Variants in CERKL observed in about 807,000 individuals in gnomAD.
CERKL encodes the protein ceramide kinase-like protein.
CERKL carries 61 observed loss-of-function variants against 63.4 expected under a neutral mutation model. The ratio of observed to expected loss-of-function variants is 0.96; its 90% CI spans 0.78 to 1.19. CERKL has a LOEUF of 1.19. Ranked by LOEUF, CERKL falls within the 50% of genes most tolerant of loss-of-function variation. CERKL has a pLI of 0.00. For synonymous variants in CERKL, 250 were observed against 230.5 expected, an observed-to-expected ratio of 1.08 and a Z score of -0.77; for missense variants, 675 against 655.5, an observed-to-expected ratio of 1.03 and a Z score of -0.33.
At chr2:181,557,140 G>A (rs1688247349) in intron 5 of CERKL, among the ~76,000 whole-genome samples, 1 of 152,010 alleles carries the variant, frequency 6.6e-6, no homozygotes, top group African/African-American at 2.4e-5. Flanking sequence ...CAGGATATTA[G>A]CCCTTTGTTA....
chr2:181,537,824 T>TTAGTAACATCAATTTC lies in CERKL; in HGVS notation c.*344_*359dup, dbSNP rs1491429240. On this transcript the variant is annotated 3_prime_UTR_variant, in exon 13 of 13. Transcript: ENST00000410087. Reference sequence around the variant, plus strand: ...CTTTTAAAGCCCTAGAGGCTAATTGTTAGTAACATCAATTTCTATTAGGAT... The same window carrying TTAGTAACATCAATTTC: ...CTTTTAAAGCCCTAGAGGCTAATTGTTAGTAACATCAATTTCTAGTAACATCAATTTCTATTAGGAT... 1 of 479,724 alleles carries TTAGTAACATCAATTTC rather than the reference T, an allele frequency of 2.1e-6. No individual in the cohort carries two copies. Among genetic ancestry groups the TTAGTAACATCAATTTC allele is most frequent in the Admixed American group, 2.3e-5 (1 of 43,394 alleles). The allele number at this position is 479,724 out of a possible 1,614,324, so 29.7% of individuals were successfully genotyped here. A position where few individuals can be genotyped will look rare whatever the true frequency, so the allele number is the denominator to read the frequency against.
intron 2 of CERKL, among the ~76,000 whole-genome samples, chr2:181,579,199 G>A (rs568770333): frequency 1.6e-4 from 24 of 151,944 alleles, no homozygotes; most frequent in Middle Eastern, 3.4e-3. Flanking sequence ...AAAAGCACCT[G>A]GCACAAAGTA....
chr2:181,620,418 C>A (rs1345741224), intron 1 of CERKL, among the ~76,000 whole-genome samples: 2 of 152,144 alleles, frequency 1.3e-5, no homozygotes, highest in Non-Finnish European at 2.9e-5. Flanking sequence ...AAGGGTTCTG[C>A]TACTTAGAAA....
chr2:181,598,486 G>A (rs1214185887), intron 2 of CERKL, among the ~76,000 whole-genome samples: 6 of 151,660 alleles, frequency 4.0e-5, no homozygotes, highest in African/African-American at 4.8e-5. Flanking sequence ...CAAAGGCCTC[G>A]GCACACACCA....
At chr2:181,580,731 T>A (rs1375487) in intron 2 of CERKL, among the ~76,000 whole-genome samples, 1 of 152,092 alleles carries the variant, frequency 6.6e-6, no homozygotes, top group Admixed American at 6.5e-5. Flanking sequence ...TGAACTTGCA[T>A]TGTCAGAATT....
chr2:181,581,491 T>C (rs1454802024), intron 2 of CERKL, among the ~76,000 whole-genome samples: 1 of 152,228 alleles, frequency 6.6e-6, no homozygotes. Flanking sequence ...AATCCTGTAG[T>C]TGACAGCCAA....
At chr2:181,635,075 A>G (rs1687115072) in intron 1 of CERKL, among the ~76,000 whole-genome samples, 1 of 152,198 alleles carries the variant, frequency 6.6e-6, no homozygotes, top group South Asian at 2.1e-4. Flanking sequence ...TTGAAAAGGC[A>G]CTTAGAATTT....
intron 3 of CERKL, among the ~76,000 whole-genome samples, chr2:181,572,033 AAGT>A (rs1366218828): frequency 6.6e-6 from 1 of 152,152 alleles, no homozygotes; most frequent in African/African-American, 2.4e-5. Flanking sequence ...AAACTGAGGA[AAGT>A]AGAGCAAAGT....
intron 1 of CERKL, among the ~76,000 whole-genome samples, chr2:181,638,122 G>A (rs60346765): frequency 6.6e-6 from 1 of 152,108 alleles, no homozygotes; most frequent in African/African-American, 2.4e-5. Flanking sequence ...GGAAGTATCA[G>A]CATAATCCTA....
Position 181,602,617 on chromosome 2 carries a change from A to G in CERKL, c.481+1220T>C, listed in dbSNP as rs752813763. Among the ~76,000 whole-genome samples the G allele has an allele frequency of 1.5e-4, 23 of 152,320 alleles. No individual in the cohort carries two copies. The Middle Eastern group carries it at 0.01, about 68-fold the overall frequency. ...TAAGAGGGTCTTCCAATTTTAATGT[A>G]ATGTCACTTCAGCTCATCTCGCATG... On this transcript the variant is annotated intron_variant, in intron 2 of 12. Transcript: ENST00000410087.
At chr2:181,591,931 G>A (rs1685005374) in intron 2 of CERKL, among the ~76,000 whole-genome samples, 1 of 152,098 alleles carries the variant, frequency 6.6e-6, no homozygotes, top group South Asian at 2.1e-4. Context: ...TCCTGGGCTG[G>A]GGCAAGGAAG....
In CERKL at chr2:181,565,477, C is replaced by T. The variant is rs1574454654; in HGVS notation, c.677+581G>A. ...TGCCAGTGAACAATCTCTGTACACT[C>T]CAATGTATTGCGAACAATGGTTTCC... On this transcript the variant is annotated intron_variant, in intron 4 of 12. Transcript: ENST00000410087. 2.5e-6 allele frequency: 4 copies of T among 1,612,126 alleles called. No homozygotes were observed. The highest frequency in any genetic ancestry group is 4.5e-5 in the East Asian group (2 of 44,806).
chr2:181,548,393 G>C (rs947473752), intron 8 of CERKL, 152 bp downstream of exon 8: 1 of 661,204 alleles, frequency 1.5e-6, no homozygotes, highest in African/African-American at 1.8e-5. Context: ...GTAGTTGTTT[G>C]CTTACTAGGA....
In CERKL at chr2:181,537,140, G is replaced by GTTATAAAAAGGCTAGTCATTCTTTC; in HGVS notation, c.*1019_*1043dup. On this transcript the variant is annotated 3_prime_UTR_variant, in exon 13 of 13. Transcript: ENST00000410087. ...ATGTATTTTTAAAAAACTTTGTATC[G>GTTATAAAAAGGCTAGTCATTCTTTC]TTATAAAAAGGCTAGTCATTCTTTC... 1 of 453,532 alleles carries GTTATAAAAAGGCTAGTCATTCTTTC rather than the reference G, an allele frequency of 2.2e-6. No homozygotes were observed. The highest frequency in any genetic ancestry group is 1.6e-5 in the South Asian group (1 of 64,422). 28.1% of individuals were successfully genotyped at this position (453,532 alleles called of 1,614,324 possible). A position where few individuals can be genotyped will look rare whatever the true frequency, so the allele number is the denominator to read the frequency against.
rs557961533 is a variant in CERKL at position 181,624,152 on chromosome 2, T to C, written c.239-20073A>G. Among the ~76,000 whole-genome samples the C allele has an allele frequency of 1.7e-4, 26 of 152,198 alleles. No homozygotes were observed. In the East Asian group the frequency reaches 4.1e-3, roughly 24 times the overall value. ...AGGGATCAGGCACAAGTAGCCCATGTAGGGTAATATAGACTACATTAAGGA... is the reference window on the plus strand; with the variant it reads ...AGGGATCAGGCACAAGTAGCCCATGCAGGGTAATATAGACTACATTAAGGA... On this transcript the variant is annotated intron_variant, in intron 1 of 12. Transcript: ENST00000410087.
rs1453536420 is a variant in CERKL, at chr2:181,537,393, G to T, written c.*791C>A. 1 of 452,024 alleles carries T rather than the reference G, an allele frequency of 2.2e-6. No homozygotes were observed. Among genetic ancestry groups the T allele is most frequent in the Non-Finnish European group, 4.4e-6 (1 of 225,490 alleles). The allele number at this position is 452,024 out of a possible 1,614,324, so 28.0% of individuals were successfully genotyped here. Reference sequence around the variant, plus strand: ...ACAATTACATATTGGGCTAGATTTTGCCCAGTTCAAAATAGTATTTGTTAT... The same window carrying T: ...ACAATTACATATTGGGCTAGATTTTTCCCAGTTCAAAATAGTATTTGTTAT... On this transcript the variant is annotated 3_prime_UTR_variant, in exon 13 of 13. Transcript: ENST00000410087.
intron 1 of CERKL, among the ~76,000 whole-genome samples, chr2:181,635,201 T>C (rs996269670): frequency 6.6e-6 from 1 of 152,168 alleles, no homozygotes; most frequent in Non-Finnish European, 1.5e-5. Context: ...CCATGAGATA[T>C]TTCCAGAGTA....
intron 3 of CERKL, among the ~76,000 whole-genome samples, chr2:181,573,004 C>T (rs1377983583): frequency 6.6e-6 from 1 of 151,994 alleles, no homozygotes; most frequent in African/African-American, 2.4e-5. Context: ...TACTTTTCAT[C>T]AATTAAAATT....
At chr2:181,653,372 T>C (rs1167012554) in intron 1 of CERKL, among the ~76,000 whole-genome samples, 18 of 152,176 alleles carry the variant, frequency 1.2e-4, no homozygotes, top group Admixed American at 1.2e-3. Context: ...CAATTAAAAA[T>C]AGAAGTATCA....
Sources: allele counts gnomAD v4.1 joint callset (sites outside exome capture counted in the v4.1 genomes callset), GRCh38; gene constraint gnomAD v4.1.1; transcripts MANE v1.5; gene names NCBI Gene and HGNC (gene_info 2026-07-23, HGNC 2026-07-21).